The following UBE2O variants were observed in gnomAD, a reference collection of about 807,000 sequenced individuals.
UBE2O encodes (E3-independent) E2 ubiquitin-conjugating enzyme.
UBE2O carries 15 observed loss-of-function variants against 125.8 expected under a neutral mutation model. That is an observed-to-expected ratio of 0.12 (90% confidence interval 0.08 to 0.18). The LOEUF is 0.18. UBE2O is among the 10% of genes least tolerant of loss of function. The pLI, the probability that UBE2O is intolerant of heterozygous loss-of-function variation, is 1.00. For synonymous variants in UBE2O, 708 were observed against 703.2 expected (o/e 1.01, Z -0.11); for missense variants, 1,280 against 1,723.6 (o/e 0.74, Z 4.56).
chr17:76,402,756 G>T lies in UBE2O; in HGVS notation c.589-57C>A. ...ACAGCAGACAACGTTCATGTCCAGG[G>T]CACAGATTCCTCTATGCCCCACCGA... On this transcript the variant is annotated intron_variant, in intron 3 of 17. Transcript: ENST00000319380. This position sits in a 1 kb window ranked among gnomAD's most constrained non-coding sequence, Gnocchi z 5.4. 7.0e-7 allele frequency: 1 copy of T among 1,424,398 alleles called. No individual in the cohort carries two copies. Among genetic ancestry groups the T allele is most frequent in the Non-Finnish European group, 9.9e-7 (1 of 1,007,448 alleles). The allele number at this position is 1,424,398 out of a possible 1,614,324, so 88.2% of individuals were successfully genotyped here.
At chr17:76,423,025 C>CTGG (rs1005154266) in intron 1 of UBE2O, among the ~76,000 whole-genome samples, 29 of 152,330 alleles carry the variant, frequency 1.9e-4, no homozygotes, top group African/African-American at 7.0e-4. Context: ...CCCTGCTGAC[C>CTGG]TGGGCTCAGC....
rs149979963 is a variant in UBE2O at position 76,429,794 on chromosome 17, T to A, written c.417+22931A>T. Among the ~76,000 whole-genome samples the A allele has an allele frequency of 3.0e-4, 45 of 152,284 alleles. No homozygotes were observed. In the East Asian group the frequency reaches 7.5e-3, roughly 26 times the overall value. On this transcript the variant is annotated intron_variant, in intron 1 of 17. Coordinates refer to ENST00000319380, the MANE Select transcript of UBE2O (RefSeq NM_022066.4). ...AGCACTCCAGGAGCAGGCAGGGGCA[T>A]GGCTGGGATTTGCTCTTTTAGTGTG...
intron 1 of UBE2O, among the ~76,000 whole-genome samples, chr17:76,435,470 A>T (rs957496671): frequency 1.3e-5 from 2 of 150,506 alleles, no homozygotes; most frequent in Admixed American, 6.6e-5. Flanking sequence ...ATTAAGATTT[A>T]GTTTTCAGGT....
chr17:76,428,599 T>C (rs1292018950), intron 1 of UBE2O, among the ~76,000 whole-genome samples: 1 of 152,208 alleles, frequency 6.6e-6, no homozygotes, highest in Non-Finnish European at 1.5e-5. Flanking sequence ...GATACATTTT[T>C]CTCTTTGCTT....
intron 1 of UBE2O, among the ~76,000 whole-genome samples, chr17:76,421,977 A>T (rs1481014328): frequency 1.3e-5 from 2 of 152,192 alleles, no homozygotes; most frequent in Admixed American, 1.3e-4. Context: ...AAGGACCACA[A>T]ATCCCAGGTG....
intron 3 of UBE2O, among the ~76,000 whole-genome samples, chr17:76,403,422 C>T (rs1383095006): frequency 6.6e-6 from 1 of 152,024 alleles, no homozygotes; most frequent in Non-Finnish European, 1.5e-5. Flanking sequence ...GCATGCATCA[C>T]CGTGCCTGGC....
At position 76,390,867 on chromosome 17, in the gene UBE2O, G is replaced by A. The variant is rs750683169; in HGVS notation, c.*76C>T. ...TGGGGACAGAGGGGCATGGGAAGAG[G>A]GGTGATTCCGGGGGGGAGTGAGCAG... is the stretch of plus-strand genomic sequence containing the variant. On this transcript the variant is annotated 3_prime_UTR_variant, in exon 18 of 18. Transcript: ENST00000319380. 3.5e-6 allele frequency: 5 copies of A among 1,438,480 alleles called. No homozygotes were observed. Among genetic ancestry groups the A allele is most frequent in the Non-Finnish European group, 4.7e-6 (5 of 1,065,506 alleles). The allele number at this position is 1,438,480 out of a possible 1,614,324, so 89.1% of individuals were successfully genotyped here. A position where few individuals can be genotyped will look rare whatever the true frequency, so the allele number is the denominator to read the frequency against.
intron 5 of UBE2O, 169 bp downstream of exon 5, chr17:76,401,895 A>T: frequency 2.2e-5 from 9 of 407,656 alleles, no homozygotes; most frequent in East Asian, 4.2e-5. Flanking sequence ...AAAAAAAAAA[A>T]GTTCTAATAC....
In UBE2O at chr17:76,402,075, C is replaced by T. The variant is rs1257815392; in HGVS notation, c.739G>A (p.Val247Ile). 15 of 1,613,540 alleles carry T rather than the reference C, an allele frequency of 9.3e-6. No individual in the cohort carries two copies. Among genetic ancestry groups the T allele is most frequent in the Middle Eastern group, 1.6e-4 (1 of 6,084 alleles). The change falls in exon 5 of 18, where the codon GTC (valine) becomes ATC (isoleucine). Residue 247 changes from valine (V) to isoleucine (I), a missense_variant. Physicochemically the swap from Val to Ile is conservative, Grantham distance 29 (BLOSUM62 3). Coordinates refer to ENST00000319380, the MANE Select transcript of UBE2O (RefSeq NM_022066.4). The surrounding 1 kb of genome is among the most constrained non-coding windows in gnomAD (Gnocchi z 5.4). ...GAKLYDVCPH[V>I]SDSGLFFDDS... ...ATGGAGCACACTACCGAGTCGCTGA[C>T]GTGCGGGCAGACGTCGTAGAGCTTG...
chr17:76,447,584 A>G (rs894904568), intron 1 of UBE2O, among the ~76,000 whole-genome samples: 3 of 152,194 alleles, frequency 2.0e-5, no homozygotes, highest in African/African-American at 7.2e-5. Context: ...GATTCATTCC[A>G]TCCCCCTCCT....
intron 1 of UBE2O, among the ~76,000 whole-genome samples, chr17:76,415,192 G>A (rs2072581036): frequency 6.6e-6 from 1 of 152,176 alleles, no homozygotes. Flanking sequence ...ACCCCTCAGT[G>A]TCTGATGCCA....
chr17:76,424,822 T>A (rs1598609244), intron 1 of UBE2O, among the ~76,000 whole-genome samples: 1 of 151,348 alleles, frequency 6.6e-6, no homozygotes, highest in East Asian at 1.9e-4. Context: ...CATCCACCTC[T>A]ACCTCCAAAA....
intron 3 of UBE2O, among the ~76,000 whole-genome samples, chr17:76,403,271 T>C (rs2072360193): frequency 6.6e-6 from 1 of 152,068 alleles, no homozygotes; most frequent in Admixed American, 6.6e-5. Flanking sequence ...TATTTTACTT[T>C]ATTATTATTT....
intron 1 of UBE2O, among the ~76,000 whole-genome samples, chr17:76,444,287 G>A (rs1207526070): frequency 2.0e-5 from 3 of 152,062 alleles, no homozygotes; most frequent in South Asian, 2.1e-4. Flanking sequence ...CGTGGCTCAC[G>A]TCTGTAATCC....
intron 1 of UBE2O, among the ~76,000 whole-genome samples, chr17:76,445,196 C>T (rs1598624655): frequency 6.6e-6 from 1 of 151,814 alleles, no homozygotes; most frequent in Non-Finnish European, 1.5e-5. Flanking sequence ...ATATTCATGT[C>T]ATTGTTGGGT....
chr17:76,446,245 T>A (rs1284063735), intron 1 of UBE2O, among the ~76,000 whole-genome samples: 1 of 152,152 alleles, frequency 6.6e-6, no homozygotes, highest in East Asian at 1.9e-4. Flanking sequence ...TGACTCCAAC[T>A]CTGAGGGGAC....
In UBE2O at chr17:76,400,573, G is replaced by T. The variant is rs62084964; in HGVS notation, c.895-23C>A. 1 of 1,545,924 alleles carries T rather than the reference G, an allele frequency of 6.5e-7. No individual in the cohort carries two copies. On this transcript the variant is annotated intron_variant, in intron 6 of 17. Transcript: ENST00000319380. The surrounding 1 kb of genome is among the most constrained non-coding windows in gnomAD (Gnocchi z 4.3). ...CACCTGGGGATGGCAGGTGGGACAC[G>T]CCAGTCAGGGCAGGCTCTGACAGCA...
Position 76,390,844 on chromosome 17 carries a change from G to C in UBE2O, c.*99C>G. The C allele has an allele frequency of 7.9e-7, 1 of 1,262,720 alleles. No individual in the cohort carries two copies. Among genetic ancestry groups the C allele is most frequent in the East Asian group, 2.4e-5 (1 of 42,552 alleles). The allele number at this position is 1,262,720 out of a possible 1,614,324, so 78.2% of individuals were successfully genotyped here. On this transcript the variant is annotated 3_prime_UTR_variant, in exon 18 of 18. Transcript: ENST00000319380. ...AGAAGAGGGCAGTGGGTTTGCAGTG[G>C]GGACAGAGGGGCATGGGAAGAGGGG...
Position 76,453,050 on chromosome 17 carries a change from G to A in UBE2O, c.92C>T (p.Ala31Val). The stretch of plus-strand genomic sequence containing the variant: ...GGCGGGCGCCGGCGCCGGGACGGGG[G>A]CTGCGGCTGGGGCCGGGACTGCCTC... Reference protein sequence around the residue: ...APEAVPAPAAAPVPAPAPASD... With the variant: ...APEAVPAPAAVPVPAPAPASD... The change falls in exon 1 of 18, where the codon GCC becomes GTC. Residue 31 changes from alanine to valine, a missense_variant. Around this residue, in one of 10 missense-constraint regions of UBE2O, gnomAD observed 188 missense variants for 192.5 expected, o/e 0.98. Coordinates refer to ENST00000319380, the MANE Select transcript of UBE2O (RefSeq NM_022066.4). 4.3e-6 allele frequency: 6 copies of A among 1,390,656 alleles called. No homozygotes were observed. The highest frequency in any genetic ancestry group is 5.6e-6 in the Non-Finnish European group (6 of 1,065,228). The allele number at this position is 1,390,656 out of a possible 1,614,324, so 86.1% of individuals were successfully genotyped here.
Sources: allele counts gnomAD v4.1 joint callset (sites outside exome capture counted in the v4.1 genomes callset), GRCh38; gene constraint gnomAD v4.1.1; regional missense constraint gnomAD v4.1.1; non-coding constraint Gnocchi (gnomAD v3.1); transcripts MANE v1.5; gene names NCBI Gene and HGNC (gene_info 2026-07-23, HGNC 2026-07-21).